ARID1A: variants seen among roughly 807,000 people sequenced by gnomAD.
ARID1A encodes AT-rich interaction domain 1A.
A neutral mutation model predicts 212.6 loss-of-function variants in ARID1A; 20 were observed. That is an observed-to-expected ratio of 0.09 (90% CI 0.07 to 0.14). The LOEUF is 0.14. ARID1A is among the 10% of genes least tolerant of loss of function. The probability of loss-of-function intolerance (pLI) is 1.00; values close to 1 mark genes in which losing one functional copy is unlikely to be tolerated. For missense variants in ARID1A, 2,587 were observed against 3,059.0 expected (o/e 0.85, Z 3.64); for synonymous variants, 1,376 against 1,222.1 (o/e 1.13, Z -2.63).
At chr1:26,728,862 G>A (rs1166398591) in intron 1 of ARID1A, 1 of 152,128 alleles carries the variant, frequency 6.6e-6, no homozygotes, top group Admixed American at 6.5e-5. Context: ...GGTTGAACCT[G>A]TTGCTCCACA....
At chr1:26,747,264 G>T (rs1195268996) in intron 4 of ARID1A, among the ~76,000 whole-genome samples, 1 of 152,190 alleles carries the variant, frequency 6.6e-6, no homozygotes, top group Non-Finnish European at 1.5e-5. Context: ...TATCAGCATA[G>T]AATTGGTTGG....
At position 26,780,905 on chromosome 1, in the gene ARID1A, T is replaced by C. The variant is rs1250317878; in HGVS notation, c.*149T>C. ...CTCCCTTGGGAAAAAGTCTCTCCTG[T>C]TTCTCTCTCCTCCTTCCACCTCCCC... On this transcript the variant is annotated 3_prime_UTR_variant, in exon 20 of 20. Coordinates refer to ENST00000324856, the MANE Select transcript of ARID1A (RefSeq NM_006015.6). This position sits in a 1 kb window ranked among gnomAD's most constrained non-coding sequence, Gnocchi z 7.2. 7.8e-6 allele frequency: 9 copies of C among 1,160,452 alleles called. No individual in the cohort carries two copies. Among genetic ancestry groups the C allele is most frequent in the Non-Finnish European group, 1.1e-5 (9 of 845,526 alleles). 71.9% of individuals were successfully genotyped at this position (1,160,452 alleles called of 1,614,324 possible).
In ARID1A at chr1:26,731,401, T is replaced by C. The variant is rs2124789191; in HGVS notation, c.1600T>C (p.Tyr534His). The C allele has an allele frequency of 6.2e-7, 1 of 1,613,530 alleles. No homozygotes were observed. The highest frequency in any genetic ancestry group is 8.5e-7 in the Non-Finnish European group (1 of 1,179,894). ...QPPHQQSPAP[Y>H]PSQQSTTQQH... ...TCCACATCAGCAGTCCCCGGCTCCA[T>C]ACCCCTCCCAGCAGTCGACGACACA... The change falls in exon 3 of 20, where the codon TAC becomes CAC. Residue 534 changes from tyrosine to histidine, a missense_variant. Tyr to His is a moderately conservative substitution (Grantham distance 83). This residue lies in a region of ARID1A where 674 missense variants were observed against 813.4 expected (regional missense o/e 0.83). Coordinates refer to ENST00000324856, the MANE Select transcript of ARID1A (RefSeq NM_006015.6).
At position 26,731,370 on chromosome 1, in the gene ARID1A, C is replaced by T. The variant is rs1156246252; in HGVS notation, c.1569C>T (p.Ser523=). 2 of 1,613,904 alleles carry T rather than the reference C, an allele frequency of 1.2e-6. No individual in the cohort carries two copies. The highest frequency in any genetic ancestry group is 2.2e-5 in the East Asian group (1 of 44,874). The change falls in exon 3 of 20, where the codon TCC becomes TCT. Residue 523 remains serine, a synonymous_variant. Coordinates refer to ENST00000324856, the MANE Select transcript of ARID1A (RefSeq NM_006015.6). The stretch of plus-strand genomic sequence containing the variant: ...AGCCTCCATACTCCCAGCAGCCATC[C>T]CAGCCTCCACATCAGCAGTCCCCGG... ...SSQPPYSQQP[S]QPPHQQSPAP...
chr1:26,696,167 G>A lies in ARID1A; in HGVS notation c.-237G>A. The stretch of plus-strand genomic sequence containing the variant: ...AGCCTACAGAGCCGGGAGCAGCTGA[G>A]CCGCCGGCGCCTCGGCCGCCGCCGC... On this transcript the variant is annotated 5_prime_UTR_variant, in exon 1 of 20. Coordinates refer to ENST00000324856, the MANE Select transcript of ARID1A (RefSeq NM_006015.6). 7.4e-6 allele frequency: 4 copies of A among 543,190 alleles called. No individual in the cohort carries two copies. The highest frequency in any genetic ancestry group is 8.4e-5 in the South Asian group (1 of 11,952). The allele number at this position is 543,190 out of a possible 1,614,324, so 33.6% of individuals were successfully genotyped here.
chr1:26,766,745 A>G (rs1458347271), intron 10 of ARID1A, among the ~76,000 whole-genome samples, 179 bp downstream of exon 10: 1 of 152,170 alleles, frequency 6.6e-6, no homozygotes, highest in East Asian at 1.9e-4. Context: ...TAGCTCAGTG[A>G]GTTGGGTCTG....
chr1:26,729,662 A>G lies in ARID1A; in HGVS notation c.1149A>G (p.Pro383=), dbSNP rs1451364292. Residue 383 remains proline, a synonymous_variant, in exon 2 of 20, where the codon CCA becomes CCG. Transcript: ENST00000324856. ...PLARTPQPSS[P]MDQMGKMRPQ... is the part of the protein sequence containing the mutation. Reference sequence around the variant, plus strand: ...TCTTTATTTTGTAGCCATCCAGTCCAATGGATCAGATGGGCAAGATGAGAC... The same window carrying G: ...TCTTTATTTTGTAGCCATCCAGTCCGATGGATCAGATGGGCAAGATGAGAC... 3.1e-6 allele frequency: 5 copies of G among 1,614,138 alleles called. No individual in the cohort carries two copies. The highest frequency in any genetic ancestry group is 2.7e-5 in the African/African-American group (2 of 74,944).
intron 1 of ARID1A, among the ~76,000 whole-genome samples, chr1:26,726,682 G>A (rs2080622831): frequency 6.6e-6 from 1 of 152,200 alleles, no homozygotes; most frequent in Admixed American, 6.5e-5. Flanking sequence ...GAATAGGACA[G>A]CATTGCACAT....
intron 4 of ARID1A, among the ~76,000 whole-genome samples, chr1:26,734,254 G>A (rs1231938823): frequency 2.0e-5 from 3 of 152,058 alleles, no homozygotes; most frequent in African/African-American, 4.8e-5. Flanking sequence ...AACCCAAATC[G>A]GTGGATTTCT....
intron 12 of ARID1A, 125 bp from the exon 13 acceptor site, chr1:26,772,375 G>A: frequency 7.2e-7 from 1 of 1,383,180 alleles, no homozygotes; most frequent in East Asian, 2.3e-5. Flanking sequence ...GCTAAGAAGG[G>A]TGATCAGGCT....
chr1:26,724,347 C>G (rs563982825), intron 1 of ARID1A, among the ~76,000 whole-genome samples: 1 of 152,174 alleles, frequency 6.6e-6, no homozygotes, highest in Admixed American at 6.5e-5. Flanking sequence ...CTAAATTTAG[C>G]TCCTTAGGGT....
At chr1:26,776,894 C>CT (rs1287326527) in intron 19 of ARID1A, among the ~76,000 whole-genome samples, 29 of 152,146 alleles carry the variant, frequency 1.9e-4, no homozygotes, top group Non-Finnish European at 8.8e-5. Flanking sequence ...TCAGTAGAAT[C>CT]TATCTGATTC....
At position 26,726,186 on chromosome 1, in the gene ARID1A, T is replaced by C. The variant is rs373631097; in HGVS notation, c.1138-3465T>C. On this transcript the variant is annotated intron_variant, in intron 1 of 19. Transcript: ENST00000324856. ...TTTGTTTTTTTTTGTTTTTTTTTTT[T>C]TTTTGAGACAGACTCTTGCTCTGCT... Among the ~76,000 whole-genome samples the C allele has an allele frequency of 9.3e-5, 14 of 150,398 alleles. No homozygotes were observed. The East Asian group carries it at 2.5e-3, about 27-fold the overall frequency.
At chr1:26,712,681 A>G (rs868598428) in intron 1 of ARID1A, among the ~76,000 whole-genome samples, 3 of 152,342 alleles carry the variant, frequency 2.0e-5, no homozygotes, top group Middle Eastern at 3.4e-3. Flanking sequence ...CCTGGGCAAC[A>G]GAGCAAGACC....
intron 11 of ARID1A, chr1:26,770,853 T>G (rs2081077364): frequency 4.4e-6 from 2 of 454,092 alleles, no homozygotes; most frequent in African/African-American, 4.0e-5. Flanking sequence ...GACTCTGAAT[T>G]CTGTTCCAGT....
Position 26,696,389 on chromosome 1 carries a change from G to A in ARID1A, c.-15G>A, listed in dbSNP as rs1190154028. ...GACAGGGCCGGGTCTCTCCGCGGAC[G>A]AGACAGCGGGGATCATGGCCGCGCA... is the stretch of plus-strand genomic sequence containing the variant. On this transcript the variant is annotated 5_prime_UTR_variant, in exon 1 of 20. Coordinates refer to ENST00000324856, the MANE Select transcript of ARID1A (RefSeq NM_006015.6). The A allele has an allele frequency of 2.4e-6, 3 of 1,253,280 alleles. No individual in the cohort carries two copies. Among genetic ancestry groups the A allele is most frequent in the South Asian group, 2.8e-5 (1 of 36,000 alleles). The allele number at this position is 1,253,280 out of a possible 1,614,324, so 77.6% of individuals were successfully genotyped here.
rs2124123018 is a variant in ARID1A at position 26,775,076 on chromosome 1, G to T, written c.4849G>T (p.Gly1617Cys). Reference protein sequence around the residue: ...LHSGMKMQKAGPPVPASHIAP... With the variant: ...LHSGMKMQKACPPVPASHIAP... Reference sequence around the variant, plus strand: ...CTCTGGGATGAAAATGCAGAAGGCAGGTCCCCCAGTACCTGCCTCGCACAT... The same window carrying T: ...CTCTGGGATGAAAATGCAGAAGGCATGTCCCCCAGTACCTGCCTCGCACAT... Residue 1617 changes from glycine (G) to cysteine (C), a missense_variant, in exon 18 of 20, where the codon GGT becomes TGT. Gly to Cys is a radical substitution (Grantham distance 159). Transcript: ENST00000324856. 6.2e-7 allele frequency: 1 copy of T among 1,613,208 alleles called. No individual in the cohort carries two copies. Among genetic ancestry groups the T allele is most frequent in the Middle Eastern group, 1.7e-4 (1 of 6,058 alleles).
At chr1:26,778,938 G>T in intron 19 of ARID1A, 85 bp from the exon 20 acceptor site, 1 of 1,342,934 alleles carries the variant, frequency 7.4e-7, no homozygotes, top group South Asian at 1.7e-5. Context: ...TGATACAGAA[G>T]ACTTGGGGAG....
Position 26,773,507 on chromosome 1 carries a change from C to T in ARID1A, c.3866+11C>T, listed in dbSNP as rs753877643. ...TTATGACAGAGTGAGGTAAGCATGA[C>T]CCCAGCTCCTGTCCACTCCCCCAGC... On this transcript the variant is annotated intron_variant, in intron 15 of 19. Transcript: ENST00000324856. 1 of 1,612,634 alleles carries T rather than the reference C, an allele frequency of 6.2e-7. No homozygotes were observed. Among genetic ancestry groups the T allele is most frequent in the South Asian group, 1.1e-5 (1 of 90,922 alleles).
Sources: gnomAD v4.1 joint callset for allele counts (sites outside exome capture counted in the v4.1 genomes callset) on GRCh38, gnomAD v4.1.1 for gene constraint, gnomAD v4.1.1 regional missense constraint, Gnocchi (gnomAD v3.1) non-coding constraint, MANE v1.5 for transcripts, NCBI Gene and HGNC (gene_info 2026-07-23, HGNC 2026-07-21) for gene names.